The following BDH1 variants were observed in gnomAD, a reference collection of about 807,000 sequenced individuals.
BDH1 encodes D-beta-hydroxybutyrate dehydrogenase, mitochondrial.
A neutral mutation model predicts 33.1 loss-of-function variants in BDH1; 30 were observed. The observed-to-expected ratio is 0.91, with a 90% CI of 0.68 to 1.23. The LOEUF (loss-of-function observed/expected upper bound fraction) is 1.23, where lower values mean the gene tolerates loss of function less well. Ranked by LOEUF, BDH1 falls within the 50% of genes most tolerant of loss-of-function variation. The pLI is 0.00. For missense variants in BDH1, 443 were observed against 464.4 expected, an observed-to-expected ratio of 0.95 and a Z score of 0.42; for synonymous variants, 190 against 183.6, an observed-to-expected ratio of 1.03 and a Z score of -0.28.
At chr3:197,567,819 A>C (rs1001705365) in intron 1 of BDH1, among the ~76,000 whole-genome samples, 3 of 152,218 alleles carry the variant, frequency 2.0e-5, no homozygotes, top group African/African-American at 7.2e-5. Flanking sequence ...AAGTCTTCTA[A>C]AAGAGGGACA....
intron 3 of BDH1, among the ~76,000 whole-genome samples, chr3:197,536,846 A>G (rs980285619): frequency 2.6e-5 from 4 of 152,242 alleles, no homozygotes; most frequent in African/African-American, 9.6e-5. Context: ...TCCGTCTCAA[A>G]AAAACCCAAC....
intron 5 of BDH1, among the ~76,000 whole-genome samples, chr3:197,527,654 A>T (rs2108734574): frequency 6.6e-6 from 1 of 152,176 alleles, no homozygotes; most frequent in South Asian, 2.1e-4. Context: ...TGCTTCAGCC[A>T]CAGAGGCTTC....
intron 6 of BDH1, chr3:197,515,310 C>T: frequency 2.0e-6 from 2 of 985,528 alleles, no homozygotes; most frequent in Non-Finnish European, 1.2e-6. Flanking sequence ...AGCTCACTCC[C>T]ACTCTCCACC....
chr3:197,546,861 C>T (rs542334319), intron 2 of BDH1, among the ~76,000 whole-genome samples: 5 of 152,222 alleles, frequency 3.3e-5, no homozygotes, highest in African/African-American at 1.2e-4. Flanking sequence ...CTCGGTAAGT[C>T]CTATTCCTCT....
At position 197,528,645 on chromosome 3, in the gene BDH1, G is replaced by T. The variant is rs1243820791; in HGVS notation, c.267+3767C>A. ...TGATCTCAGATAGCAGATGGAATGG[G>T]TCAAGAGGTAGATACCAACAGATAT... is the stretch of plus-strand genomic sequence containing the variant. On this transcript the variant is annotated intron_variant, in intron 5 of 7. Transcript: ENST00000392379. This position sits in a 1 kb window ranked among gnomAD's most constrained non-coding sequence, Gnocchi z 5.1. 2 of 152,192 alleles carry T rather than the reference G, an allele frequency of 1.3e-5. No homozygotes were observed. The highest frequency in any genetic ancestry group is 3.8e-4 in the East Asian group (2 of 5,200). The allele number at this position is 152,192 out of a possible 1,614,324, so 9.4% of individuals were successfully genotyped here. A position where few individuals can be genotyped will look rare whatever the true frequency, so the allele number is the denominator to read the frequency against.
At chr3:197,559,192 G>T (rs181025461), upstream of BDH1, among the ~76,000 whole-genome samples, 280 of 152,134 alleles carry the variant, frequency 1.8e-3, no homozygotes, top group African/African-American at 6.0e-3. Flanking sequence ...TAGAGATGGG[G>T]TTTCACCATG....
Position 197,522,813 on chromosome 3 carries a change from C to T in BDH1, c.268-32G>A. ...AGGAGAGAAGAGCTGCTTCTACCTCCTTCCTTCCCACCCTGAGGCAGACCC... is the reference window on the plus strand; with the variant it reads ...AGGAGAGAAGAGCTGCTTCTACCTCTTTCCTTCCCACCCTGAGGCAGACCC... On this transcript the variant is annotated intron_variant, in intron 5 of 7. Coordinates refer to ENST00000392379, the MANE Select transcript of BDH1 (RefSeq NM_203314.3). This position sits in a 1 kb window ranked among gnomAD's most constrained non-coding sequence, Gnocchi z 4.8. 6.2e-7 allele frequency: 1 copy of T among 1,608,958 alleles called. No individual in the cohort carries two copies.
intron 2 of BDH1, among the ~76,000 whole-genome samples, chr3:197,551,444 G>T (rs1405150928): frequency 6.6e-6 from 1 of 152,094 alleles, no homozygotes; most frequent in Non-Finnish European, 1.5e-5. Context: ...TTGTGTATAT[G>T]TACCACATTT....
chr3:197,510,644 GTGTGTGTGTGTGTGTGTGTGTGTGTGTA>G lies in BDH1; in HGVS notation c.*1223_*1250del. The G allele has an allele frequency of 3.4e-5, 2 of 58,756 alleles. No homozygotes were observed. Among genetic ancestry groups the G allele is most frequent in the Non-Finnish European group, 7.3e-5 (2 of 27,262 alleles). The allele number at this position is 58,756 out of a possible 1,614,324, so 3.6% of individuals were successfully genotyped here. On this transcript the variant is annotated 3_prime_UTR_variant, in exon 8 of 8. Coordinates refer to ENST00000392379, the MANE Select transcript of BDH1 (RefSeq NM_203314.3). ...TGTGTGTGTGTGTGTGTGTGTGTGT[GTGTGTGTGTGTGTGTGTGTGTGTGTGTA>G]CATGTGTGTAAGGTGTGTGTGTGTG...
rs145784496 is a variant in BDH1, at chr3:197,569,703, C to T, written c.-44+3478G>A. ...CTCTCTTGTCTGCCACCATGTAAGA[C>T]GTGCCTTTTGCCTTCTGCCATGATT... On this transcript the variant is annotated intron_variant, in intron 1 of 6. Transcript: ENST00000358186. Among the ~76,000 whole-genome samples the T allele has an allele frequency of 3.4e-3, 522 of 152,336 alleles. 7 individuals are homozygous for T. The highest frequency in any genetic ancestry group is 0.017 in the East Asian group (89 of 5,188).
At chr3:197,571,331 C>G (rs747966934) in intron 1 of BDH1, among the ~76,000 whole-genome samples, 33 of 152,118 alleles carry the variant, frequency 2.2e-4, no homozygotes, top group South Asian at 4.2e-4. Flanking sequence ...CTTTGGGAAA[C>G]TGTTGGGAAG....
Position 197,510,606 on chromosome 3 carries a change from GTGTGTGTGTGT to G in BDH1, c.*1278_*1288del, listed in dbSNP as rs1711837820. On this transcript the variant is annotated 3_prime_UTR_variant, in exon 8 of 8. Coordinates refer to ENST00000392379, the MANE Select transcript of BDH1 (RefSeq NM_203314.3). ...GAAGCCCTGCAGAACAGGGGTGTGT[GTGTGTGTGTGT>G]GTGTGTGTGTGTGTGTGTGTGTGTG... The G allele has an allele frequency of 4.1e-5, 1 of 24,458 alleles. No homozygotes were observed. The allele number at this position is 24,458 out of a possible 1,614,324, so 1.5% of individuals were successfully genotyped here.
intron 1 of BDH1, among the ~76,000 whole-genome samples, chr3:197,568,753 T>C (rs900816944): frequency 4.0e-5 from 6 of 151,782 alleles, no homozygotes; most frequent in South Asian, 2.1e-4. Context: ...AATATGAGGA[T>C]ATTTGATTAA....
At chr3:197,515,760 C>T in intron 6 of BDH1, 9 of 982,712 alleles carry the variant, frequency 9.2e-6, no homozygotes, top group Non-Finnish European at 8.5e-6. Flanking sequence ...AAAGATTAGC[C>T]GGGTGTGGTG....
At chr3:197,565,032 C>T (rs879345323) in intron 1 of BDH1, among the ~76,000 whole-genome samples, 1 of 152,178 alleles carries the variant, frequency 6.6e-6, no homozygotes, top group South Asian at 2.1e-4. Context: ...AAGCGATTCT[C>T]CTGCCTCAGC....
chr3:197,517,352 G>A (rs1222780820), intron 6 of BDH1, among the ~76,000 whole-genome samples: 2 of 91,460 alleles, frequency 2.2e-5, no homozygotes, highest in African/African-American at 4.6e-5. Context: ...CCCTCAGGCC[G>A]ACCCCATCAG....
Position 197,525,151 on chromosome 3 carries a change from AG to A in BDH1, c.268-2371del, listed in dbSNP as rs1355433743. 6.6e-6 allele frequency among the ~76,000 whole-genome samples: 1 copy of A among 152,146 alleles called. No homozygotes were observed. The highest frequency in any genetic ancestry group is 1.9e-4 in the East Asian group (1 of 5,176). ...AAAGAACTAATGCATCTTCAGGTCT[AG>A]GGTGTGATGACGTGGTGCCTGCAGA... is the stretch of plus-strand genomic sequence containing the variant. On this transcript the variant is annotated intron_variant, in intron 5 of 7. Transcript: ENST00000392379. This position sits in a 1 kb window ranked among gnomAD's most constrained non-coding sequence, Gnocchi z 4.9.
chr3:197,559,615 G>T (rs1490023225), upstream of BDH1, among the ~76,000 whole-genome samples: 2 of 152,178 alleles, frequency 1.3e-5, no homozygotes. Context: ...ACCCAAAAGA[G>T]ACATCTCAGC....
In BDH1 at chr3:197,522,118, C is replaced by A. The variant is rs1363826609; in HGVS notation, c.409+522G>T. Among the ~76,000 whole-genome samples the A allele has an allele frequency of 2.0e-5, 3 of 152,190 alleles. No homozygotes were observed. The highest frequency in any genetic ancestry group is 4.4e-5 in the Non-Finnish European group (3 of 68,034). On this transcript the variant is annotated intron_variant, in intron 6 of 7. Transcript: ENST00000392379. This position sits in a 1 kb window ranked among gnomAD's most constrained non-coding sequence, Gnocchi z 4.8. ...CCCCGTGCTCCTCGAAGCTGTGGTTCCTGCTCTCCCCTCCTCTTGGAACAA... is the reference window on the plus strand; with the variant it reads ...CCCCGTGCTCCTCGAAGCTGTGGTTACTGCTCTCCCCTCCTCTTGGAACAA...
Sources: allele counts gnomAD v4.1 joint callset (sites outside exome capture counted in the v4.1 genomes callset), GRCh38; gene constraint gnomAD v4.1.1; non-coding constraint Gnocchi (gnomAD v3.1); transcripts MANE v1.5; gene names NCBI Gene and HGNC (gene_info 2026-07-23, HGNC 2026-07-21).